The following COL22A1 variants were observed in gnomAD, a reference collection of about 807,000 sequenced individuals.
COL22A1 encodes collagen type XXII alpha 1 chain.
In COL22A1, 221 loss-of-function variants were observed where a neutral mutation model predicts 248.9. That is an observed-to-expected ratio of 0.89 (90% CI 0.80 to 0.99). The LOEUF (loss-of-function observed/expected upper bound fraction) is 0.99. Among genes scored for constraint, COL22A1 ranks in the 50% least tolerant of loss-of-function variants. The probability of loss-of-function intolerance (pLI) is 0.00; values close to 1 mark genes in which losing one functional copy is unlikely to be tolerated. For synonymous variants in COL22A1, 891 were observed against 793.4 expected, an observed-to-expected ratio of 1.12 and a Z score of -2.07; for missense variants, 2,240 against 2,179.0, an observed-to-expected ratio of 1.03 and a Z score of -0.56.
chr8:138,757,615 T>G (rs1161435318), intron 18 of COL22A1, among the ~76,000 whole-genome samples: 5 of 152,222 alleles, frequency 3.3e-5, no homozygotes, highest in Admixed American at 1.3e-4. Context: ...AACAACTGTG[T>G]GTATACAGCT....
chr8:138,822,478 A>G (rs778643271), intron 6 of COL22A1, among the ~76,000 whole-genome samples: 1 of 152,234 alleles, frequency 6.6e-6, no homozygotes, highest in Non-Finnish European at 1.5e-5. Context: ...GGAACACAAC[A>G]CAATCAGTGC....
At chr8:138,846,429 G>A (rs1821249591) in intron 3 of COL22A1, among the ~76,000 whole-genome samples, 1 of 152,164 alleles carries the variant, frequency 6.6e-6, no homozygotes, top group Non-Finnish European at 1.5e-5. Flanking sequence ...CAGAAATGAT[G>A]GAGATTCTAC....
chr8:138,812,149 C>G (rs1187403724), intron 8 of COL22A1, among the ~76,000 whole-genome samples: 1 of 152,234 alleles, frequency 6.6e-6, no homozygotes, highest in Non-Finnish European at 1.5e-5. Flanking sequence ...TCACACCTCG[C>G]AAGTGCTCAA....
At chr8:138,802,811 C>T in intron 11 of COL22A1, 61 bp downstream of exon 11, 1 of 1,320,114 alleles carries the variant, frequency 7.6e-7, no homozygotes, top group Non-Finnish European at 1.1e-6. Flanking sequence ...GATCGGAGGG[C>T]CCTGGGTCCC....
chr8:138,908,550 T>G (rs1479340640), intron 1 of COL22A1, among the ~76,000 whole-genome samples: 1 of 152,238 alleles, frequency 6.6e-6, no homozygotes, highest in African/African-American at 2.4e-5. Flanking sequence ...AGGCTTTGTA[T>G]CAAGACATAG....
chr8:138,707,516 A>G (rs1438377429), intron 30 of COL22A1, among the ~76,000 whole-genome samples: 3 of 152,228 alleles, frequency 2.0e-5, no homozygotes, highest in African/African-American at 7.2e-5. Context: ...CATCATATAA[A>G]CAGAACCAAA....
In COL22A1 at chr8:138,630,715, G is replaced by A; in HGVS notation, c.3643C>T (p.Pro1215Ser). The change falls in exon 50 of 65, where the codon CCA (proline) becomes TCA (serine). Residue 1215 changes from proline (P) to serine (S), a missense_variant. Physicochemically the swap from Pro to Ser is moderately conservative, Grantham distance 74. Coordinates refer to ENST00000303045, the MANE Select transcript of COL22A1 (RefSeq NM_152888.3). ...CTTACAGGTGACCCTTGGATTCCTG[G>A]TGGTCCAGCAGCTCCTGCAATTCCA... ...ADGIAGAAGP[P>S]GIQGSPGKEG... is the part of the protein sequence containing the mutation. 1 of 1,613,892 alleles carries A rather than the reference G, an allele frequency of 6.2e-7. No homozygotes were observed. The highest frequency in any genetic ancestry group is 1.1e-5 in the South Asian group (1 of 91,074).
chr8:138,721,947 C>T, intron 26 of COL22A1, 89 bp downstream of exon 26: 1 of 1,041,640 alleles, frequency 9.6e-7, no homozygotes, highest in Non-Finnish European at 1.5e-6. Flanking sequence ...AGGCAATTGA[C>T]TTGTTGTAGA....
At chr8:138,765,771 C>T (rs1586687608) in intron 16 of COL22A1, among the ~76,000 whole-genome samples, 1 of 152,330 alleles carries the variant, frequency 6.6e-6, no homozygotes, top group East Asian at 1.9e-4. Context: ...AGCTCAGCTT[C>T]CTTGTGCCCA....
chr8:138,621,658 T>C (rs773260659), intron 52 of COL22A1, among the ~76,000 whole-genome samples: 2 of 152,210 alleles, frequency 1.3e-5, no homozygotes. Flanking sequence ...ACCAGCTTTA[T>C]GCCCTTGATC....
chr8:138,682,757 T>C (rs539076973), intron 39 of COL22A1, among the ~76,000 whole-genome samples: 1 of 152,328 alleles, frequency 6.6e-6, no homozygotes, highest in South Asian at 2.1e-4. Context: ...TGGAATGCAA[T>C]GGCATGATCT....
At position 138,638,003 on chromosome 8, in the gene COL22A1, T is replaced by A. The variant is rs567807719; in HGVS notation, c.3502-1208A>T. 3.9e-5 allele frequency among the ~76,000 whole-genome samples: 6 copies of A among 152,280 alleles called. No homozygotes were observed. In the South Asian group the frequency reaches 1.2e-3, roughly 32 times the overall value. The stretch of plus-strand genomic sequence containing the variant: ...ATCATCATCGTCTACATCATAATGA[T>A]CAACAACACCATGACTATTGTCATC... On this transcript the variant is annotated intron_variant, in intron 47 of 64. Transcript: ENST00000303045.
chr8:138,857,539 C>T (rs1199072161), intron 3 of COL22A1, among the ~76,000 whole-genome samples: 1 of 152,176 alleles, frequency 6.6e-6, no homozygotes, highest in Non-Finnish European at 1.5e-5. Context: ...CATGGAGCTG[C>T]TCCTGACTCT....
Position 138,722,084 on chromosome 8 carries a change from G to T in COL22A1, c.2253C>A (p.Pro751=). ...GKPGPPGPTG[P]PGKDGPNGPP... is the part of the protein sequence containing the mutation. Reference sequence around the variant, plus strand: ...GTCCATTTGGCCCGTCCTTTCCAGGGGGTCCCTGGGCCAAGAGGGGAAAAC... The same window carrying T: ...GTCCATTTGGCCCGTCCTTTCCAGGTGGTCCCTGGGCCAAGAGGGGAAAAC... Residue 751 remains proline, a synonymous_variant, in exon 26 of 65, where the codon CCC becomes CCA. Transcript: ENST00000303045. The T allele has an allele frequency of 6.3e-7, 1 of 1,582,704 alleles. No homozygotes were observed. The highest frequency in any genetic ancestry group is 1.2e-5 in the South Asian group (1 of 86,368).
intron 1 of COL22A1, among the ~76,000 whole-genome samples, chr8:138,905,462 C>A (rs570573078): frequency 6.6e-6 from 1 of 152,274 alleles, no homozygotes; most frequent in Admixed American, 6.5e-5. Flanking sequence ...GTCCCCTTTC[C>A]CAGTTTAGAG....
intron 3 of COL22A1, among the ~76,000 whole-genome samples, chr8:138,847,487 T>C (rs183631574): frequency 8.0e-4 from 122 of 152,344 alleles, no homozygotes; most frequent in African/African-American, 2.8e-3. Context: ...AGAAACACTG[T>C]AGCTGTTTGG....
At chr8:138,797,849 TA>T (rs1193478904) in intron 11 of COL22A1, among the ~76,000 whole-genome samples, 1 of 152,150 alleles carries the variant, frequency 6.6e-6, no homozygotes, top group Non-Finnish European at 1.5e-5. Flanking sequence ...GGGGTTTTGT[TA>T]GGTGCATATA....
chr8:138,666,802 G>A (rs1238566748), intron 41 of COL22A1, among the ~76,000 whole-genome samples: 1 of 152,140 alleles, frequency 6.6e-6, no homozygotes, highest in Non-Finnish European at 1.5e-5. Flanking sequence ...CGAGGCTCCA[G>A]GTTATTTTCT....
At chr8:138,619,356 C>CCACG in intron 53 of COL22A1, 99 bp downstream of exon 53, 1 of 1,055,708 alleles carries the variant, frequency 9.5e-7, no homozygotes, top group South Asian at 1.4e-5. Flanking sequence ...TTCTAGGACC[C>CCACG]CACGGTTGGG....
Sources: gnomAD v4.1 joint callset for allele counts (sites outside exome capture counted in the v4.1 genomes callset) on GRCh38, gnomAD v4.1.1 for gene constraint, MANE v1.5 for transcripts, NCBI Gene and HGNC (gene_info 2026-07-23, HGNC 2026-07-21) for gene names.